Variants in ERCC4 observed in about 807,000 individuals in gnomAD.
ERCC4 encodes ERCC excision repair 4, endonuclease catalytic subunit.
ERCC4 carries 65 observed loss-of-function variants against 76.9 expected under a neutral mutation model. The ratio of observed to expected loss-of-function variants is 0.84; its 90% CI spans 0.69 to 1.04. The LOEUF is 1.04. ERCC4 is among the 50% of genes least tolerant of loss of function. The pLI is 0.00. For missense variants in ERCC4, 1,214 were observed against 1,128.2 expected, an observed-to-expected ratio of 1.08 and a Z score of -1.09; for synonymous variants, 463 against 410.1, an observed-to-expected ratio of 1.13 and a Z score of -1.56.
In ERCC4 at chr16:13,936,234, T is replaced by C. The variant is rs564344812; in HGVS notation, c.1811+491T>C. Among the ~76,000 whole-genome samples, 7 of 152,332 alleles carry C rather than the reference T, an allele frequency of 4.6e-5. No individual in the cohort carries two copies. The South Asian group carries it at 1.4e-3, about 32-fold the overall frequency. On this transcript the variant is annotated intron_variant, in intron 8 of 10. Transcript: ENST00000311895. ...GTTTCAAGATATATCAGATGAAACA[T>C]CTACAGAAATATCAGATGAGAAAAT...
chr16:13,920,854 C>G lies in ERCC4; in HGVS notation c.207+482C>G, dbSNP rs3136047. Among the ~76,000 whole-genome samples, 220 of 151,114 alleles carry G rather than the reference C, an allele frequency of 1.5e-3. 2 individuals carry two copies. The highest frequency in any genetic ancestry group is 0.014 in the Admixed American group (207 of 15,198). ...CACAGTGAGAATGATGGAAGGGGTC[C>G]CGAGAAGGATGCAATTCCCTGACAA... is the stretch of plus-strand genomic sequence containing the variant. On this transcript the variant is annotated intron_variant, in intron 1 of 10. Coordinates refer to ENST00000311895, the MANE Select transcript of ERCC4 (RefSeq NM_005236.3).
intron 4 of ERCC4, 33 bp from the exon 5 acceptor site, chr16:13,930,676 AT>A: frequency 6.7e-7 from 1 of 1,493,244 alleles, no homozygotes; most frequent in Middle Eastern, 1.7e-4. Context: ...TACTTAACAT[AT>A]TTTAGCAATA....
In ERCC4 at chr16:13,935,176, G is replaced by A. The variant is rs1800067; in HGVS notation, c.1244G>A (p.Arg415Gln). The change falls in exon 8 of 11, where the codon CGA becomes CAA. Residue 415 changes from arginine to glutamine, a missense_variant. Arg to Gln is a conservative substitution (Grantham distance 43). Coordinates refer to ENST00000311895, the MANE Select transcript of ERCC4 (RefSeq NM_005236.3). ...GQVLICASDD[R>Q]TCSQLRDYIT... ...GTACTGATTTGTGCAAGTGATGACC[G>A]AACATGTTCCCAGCTGAGAGACTAT... The A allele has an allele frequency of 0.068, 109,649 of 1,613,408 alleles. 4,457 individuals carry two copies. Among genetic ancestry groups the A allele is most frequent in the Middle Eastern group, 0.13 (806 of 6,062 alleles).
intron 9 of ERCC4, among the ~76,000 whole-genome samples, chr16:13,939,569 G>T (rs2032373785): frequency 1.3e-5 from 2 of 152,040 alleles, no homozygotes; most frequent in Non-Finnish European, 2.9e-5. Context: ...GTTGAACAAA[G>T]GCGTGCACGA....
At chr16:13,944,497 A>G (rs183841018) in intron 9 of ERCC4, among the ~76,000 whole-genome samples, 175 of 150,066 alleles carry the variant, frequency 1.2e-3, no homozygotes, top group Admixed American at 2.8e-3. Context: ...ACTCTGGAAA[A>G]TCAAGAAGTA....
chr16:13,934,649 C>G (rs376331867), intron 7 of ERCC4: 1 of 273,910 alleles, frequency 3.7e-6, no homozygotes. Context: ...ATCTGGAATC[C>G]CCAAGGAATA....
rs908599301 is a variant in ERCC4 at position 13,948,458 on chromosome 16, C to G, written c.*111C>G. The G allele has an allele frequency of 3.8e-6, 5 of 1,306,712 alleles. No individual in the cohort carries two copies. The African/African-American group carries it at 7.3e-5, about 19-fold the overall frequency. 80.9% of individuals were successfully genotyped at this position (1,306,712 alleles called of 1,614,324 possible). On this transcript the variant is annotated 3_prime_UTR_variant, in exon 11 of 11. Coordinates refer to ENST00000311895, the MANE Select transcript of ERCC4 (RefSeq NM_005236.3). ...TGCTATTTCATTCTTTTCCAATGCT[C>G]TTAATGATTGTACGGTGGACCAGAA...
At chr16:13,939,490 C>T (rs765607124) in intron 9 of ERCC4, among the ~76,000 whole-genome samples, 1 of 152,096 alleles carries the variant, frequency 6.6e-6, no homozygotes, top group Non-Finnish European at 1.5e-5. Context: ...ACAAGCTGAT[C>T]GGGAGCCGCT....
intron 7 of ERCC4, 198 bp from the exon 8 acceptor site, chr16:13,934,948 A>C: frequency 1.8e-6 from 1 of 543,150 alleles, no homozygotes; most frequent in South Asian, 2.7e-5. Context: ...AACTTTACTG[A>C]AAAGATTTAA....
chr16:13,935,086 A>C (rs2032256027), intron 7 of ERCC4, 60 bp from the exon 8 acceptor site: 1 of 1,254,124 alleles, frequency 8.0e-7, no homozygotes, highest in African/African-American at 1.5e-5. Flanking sequence ...ATAAGGGGGC[A>C]CAGGGAAACT....
chr16:13,930,659 A>T (rs967030646), intron 4 of ERCC4, 51 bp from the exon 5 acceptor site: 5 of 1,292,694 alleles, frequency 3.9e-6, no homozygotes, highest in African/African-American at 1.5e-5. Flanking sequence ...TGTATTAAGA[A>T]TAACTATACT....
At chr16:13,940,986 G>A (rs752588822) in intron 9 of ERCC4, among the ~76,000 whole-genome samples, 31 of 152,212 alleles carry the variant, frequency 2.0e-4, no homozygotes, top group Non-Finnish European at 3.2e-4. Context: ...TCTTCATGCA[G>A]CTGCCTCTTC....
rs748683649 is a variant in ERCC4, at chr16:13,948,025, C to A, written c.2429C>A (p.Ala810Glu). Reference protein sequence around the residue: ...ILWCPSPHATAELFEELKQSK... With the variant: ...ILWCPSPHATEELFEELKQSK... ...TGGTGCCCCTCTCCTCATGCAACGG[C>A]GGAGTTGTTTGAGGAGCTGAAACAA... The change falls in exon 11 of 11, where the codon GCG (alanine) becomes GAG (glutamate). Residue 810 changes from alanine to glutamate, a missense_variant. Transcript: ENST00000311895. 6.2e-7 allele frequency: 1 copy of A among 1,614,142 alleles called. No homozygotes were observed. Among genetic ancestry groups the A allele is most frequent in the Non-Finnish European group, 8.5e-7 (1 of 1,180,030 alleles).
intron 1 of ERCC4, 53 bp downstream of exon 1, chr16:13,920,425 C>G (rs536711706): frequency 2.4e-5 from 35 of 1,475,814 alleles, no homozygotes; most frequent in Non-Finnish European, 2.9e-5. Context: ...TTGAGGGCCT[C>G]CTGAGCGGAT....
At position 13,926,520 on chromosome 16, in the gene ERCC4, C is replaced by G. The variant is rs756155666; in HGVS notation, c.389-41C>G. ...AAATGTGATGAATGAATGGCAATTA[C>G]CTACCTGTTCTGTAGTTTAAATTAT... On this transcript the variant is annotated intron_variant, in intron 2 of 10. Coordinates refer to ENST00000311895, the MANE Select transcript of ERCC4 (RefSeq NM_005236.3). 15 of 1,539,594 alleles carry G rather than the reference C, an allele frequency of 9.7e-6. No homozygotes were observed. In the South Asian group the frequency reaches 1.3e-4, roughly 14 times the overall value.
chr16:13,944,415 G>A (rs754229718), intron 9 of ERCC4, among the ~76,000 whole-genome samples: 27 of 151,824 alleles, frequency 1.8e-4, no homozygotes, highest in Non-Finnish European at 2.9e-4. Context: ...TTTACATGTG[G>A]CATTTTTTGA....
intron 10 of ERCC4, among the ~76,000 whole-genome samples, 196 bp from the exon 11 acceptor site, chr16:13,947,418 C>T (rs1336253509): frequency 2.1e-4 from 32 of 152,252 alleles, no homozygotes; most frequent in Non-Finnish European, 1.2e-4. Context: ...CCTATTAGCT[C>T]GGTTTCCTTC....
Position 13,947,944 on chromosome 16 carries a change from A to G in ERCC4, c.2348A>G (p.Asp783Gly), listed in dbSNP as rs375263578. 8.7e-6 allele frequency: 14 copies of G among 1,614,004 alleles called. No individual in the cohort carries two copies. Among genetic ancestry groups the G allele is most frequent in the Non-Finnish European group, 1.2e-5 (14 of 1,180,036 alleles). ...GALFQEISSN[D>G]ISSKLTLLTL... Reference sequence around the variant, plus strand: ...TTGTTTCAGGAGATCTCCAGCAATGACATTAGTTCCAAACTCACTCTTCTT... The same window carrying G: ...TTGTTTCAGGAGATCTCCAGCAATGGCATTAGTTCCAAACTCACTCTTCTT... The change falls in exon 11 of 11, where the codon GAC becomes GGC. Residue 783 changes from aspartate to glycine, a missense_variant. Transcript: ENST00000311895.
rs748683649 is a variant in ERCC4, at chr16:13,948,025, C to T, written c.2429C>T (p.Ala810Val). 1.2e-6 allele frequency: 2 copies of T among 1,614,142 alleles called. No individual in the cohort carries two copies. The highest frequency in any genetic ancestry group is 8.5e-7 in the Non-Finnish European group (1 of 1,180,030). The part of the protein sequence containing the change: ...ILWCPSPHAT[A>V]ELFEELKQSK... ...TGGTGCCCCTCTCCTCATGCAACGG[C>T]GGAGTTGTTTGAGGAGCTGAAACAA... is the stretch of plus-strand genomic sequence containing the variant. The change falls in exon 11 of 11, where the codon GCG (alanine) becomes GTG (valine). Residue 810 changes from alanine to valine, a missense_variant. Transcript: ENST00000311895.
Sources: gnomAD v4.1 joint callset for allele counts (sites outside exome capture counted in the v4.1 genomes callset) on GRCh38, gnomAD v4.1.1 for gene constraint, MANE v1.5 for transcripts, NCBI Gene and HGNC (gene_info 2026-07-23, HGNC 2026-07-21) for gene names.